The following SKAP2 variants were observed in gnomAD, a reference collection of about 807,000 sequenced individuals.
SKAP2 encodes src kinase-associated phosphoprotein 2.
SKAP2 carries 28 observed loss-of-function variants against 54.9 expected under a neutral mutation model. The observed-to-expected ratio is 0.51, with a 90% CI of 0.38 to 0.70. The LOEUF (loss-of-function observed/expected upper bound fraction) is 0.70. Ranked by LOEUF, SKAP2 falls within the 30% of genes least tolerant of loss-of-function variation. The pLI, the probability that SKAP2 is intolerant of heterozygous loss-of-function variation, is 0.00. For synonymous variants in SKAP2, 137 were observed against 134.3 expected (o/e 1.02, Z -0.14); for missense variants, 356 against 424.1 (o/e 0.84, Z 1.41).
chr7:26,795,698 T>C (rs1783760983), intron 4 of SKAP2, among the ~76,000 whole-genome samples: 1 of 152,200 alleles, frequency 6.6e-6, no homozygotes, highest in Admixed American at 6.5e-5. Flanking sequence ...TCTTATAAAA[T>C]GATAAGGGAA....
At chr7:26,701,254 A>C (rs961717674) in intron 9 of SKAP2, among the ~76,000 whole-genome samples, 7 of 152,248 alleles carry the variant, frequency 4.6e-5, no homozygotes, top group Non-Finnish European at 1.5e-5. Flanking sequence ...GATTCTTAAC[A>C]GAAAAGGAGC....
At chr7:26,801,993 GA>G (rs1033318005) in intron 4 of SKAP2, among the ~76,000 whole-genome samples, 1 of 150,340 alleles carries the variant, frequency 6.7e-6, no homozygotes, top group Non-Finnish European at 1.5e-5. Flanking sequence ...CCCCAAAACA[GA>G]AAAAAAAATC....
intron 4 of SKAP2, among the ~76,000 whole-genome samples, chr7:26,831,894 TC>T (rs1187884160): frequency 6.6e-6 from 1 of 152,090 alleles, no homozygotes; most frequent in East Asian, 1.9e-4. Flanking sequence ...AATCCTCATC[TC>T]CCATTCTCCA....
intron 1 of SKAP2, among the ~76,000 whole-genome samples, chr7:26,856,228 G>A (rs1296307612): frequency 2.0e-5 from 3 of 151,920 alleles, no homozygotes; most frequent in African/African-American, 7.3e-5. Flanking sequence ...GTCTATTAAC[G>A]ACTAATGTGT....
intron 4 of SKAP2, among the ~76,000 whole-genome samples, chr7:26,742,952 C>T (rs6971399): frequency 0.017 from 2,527 of 152,134 alleles, 70 homozygotes; most frequent in African/African-American, 0.058. Context: ...CAACGATTAA[C>T]GCTATTGACA....
intron 5 of SKAP2, among the ~76,000 whole-genome samples, chr7:26,739,259 AG>A (rs1334470244): frequency 1.3e-5 from 2 of 152,260 alleles, no homozygotes; most frequent in African/African-American, 4.8e-5. Context: ...AATTCAGCTA[AG>A]AAAGCTAAGA....
At chr7:26,757,188 T>G (rs1230898981) in intron 4 of SKAP2, among the ~76,000 whole-genome samples, 1 of 152,204 alleles carries the variant, frequency 6.6e-6, no homozygotes, top group African/African-American at 2.4e-5. Flanking sequence ...TAGATCCCAT[T>G]TGTCAATTTT....
chr7:26,843,530 C>T (rs1462672450), intron 4 of SKAP2, among the ~76,000 whole-genome samples: 3 of 151,384 alleles, frequency 2.0e-5, no homozygotes, highest in Non-Finnish European at 3.0e-5. Context: ...TTTTAAGTGA[C>T]AATATAAAAA....
At chr7:26,733,486 TATACAA>T (rs1297155447) in intron 6 of SKAP2, among the ~76,000 whole-genome samples, 1 of 152,074 alleles carries the variant, frequency 6.6e-6, no homozygotes, top group Non-Finnish European at 1.5e-5. Context: ...AACTTTTAAT[TATACAA>T]ATATAAGTAC....
chr7:26,837,206 G>A (rs919737622), intron 4 of SKAP2, among the ~76,000 whole-genome samples: 2 of 152,058 alleles, frequency 1.3e-5, no homozygotes, highest in African/African-American at 2.4e-5. Flanking sequence ...GCTAGGGGAG[G>A]GATAGCATTA....
chr7:26,818,555 G>C (rs1007640179), intron 4 of SKAP2, among the ~76,000 whole-genome samples: 1 of 152,118 alleles, frequency 6.6e-6, no homozygotes, highest in East Asian at 1.9e-4. Context: ...AAAAGCAATG[G>C]CAACAAAAGC....
At chr7:26,814,968 T>G (rs544668136) in intron 4 of SKAP2, among the ~76,000 whole-genome samples, 1 of 152,282 alleles carries the variant, frequency 6.6e-6, no homozygotes, top group South Asian at 2.1e-4. Flanking sequence ...AATAGAAATG[T>G]GCTTAGGCTA....
At chr7:26,679,191 C>G (rs1786426160) in intron 11 of SKAP2, among the ~76,000 whole-genome samples, 1 of 152,224 alleles carries the variant, frequency 6.6e-6, no homozygotes. Flanking sequence ...CCTGTCAGGC[C>G]ATTGCAAGGG....
At chr7:26,723,713 C>A (rs1353361180) in intron 9 of SKAP2, among the ~76,000 whole-genome samples, 1 of 144,962 alleles carries the variant, frequency 6.9e-6, no homozygotes. Flanking sequence ...TTTTTTTTTT[C>A]TTTAGGGGTG....
intron 10 of SKAP2, among the ~76,000 whole-genome samples, chr7:26,686,501 A>G (rs1334605681): frequency 2.6e-5 from 4 of 152,024 alleles, no homozygotes; most frequent in Non-Finnish European, 5.9e-5. Flanking sequence ...TCTTCATTAC[A>G]TTTTTTTCCC....
intron 6 of SKAP2, among the ~76,000 whole-genome samples, chr7:26,730,853 G>A (rs1327667112): frequency 6.6e-6 from 1 of 152,164 alleles, no homozygotes; most frequent in Admixed American, 6.5e-5. Context: ...TAGGTTTACA[G>A]CTGTGTTCTG....
At chr7:26,817,790 A>G (rs1328678776) in intron 4 of SKAP2, among the ~76,000 whole-genome samples, 3 of 152,176 alleles carry the variant, frequency 2.0e-5, no homozygotes, top group African/African-American at 7.2e-5. Flanking sequence ...CTATACACCA[A>G]TAATAGACAA....
At chr7:26,804,454 TGCCGG>T (rs1245703888) in intron 4 of SKAP2, among the ~76,000 whole-genome samples, 2 of 152,122 alleles carry the variant, frequency 1.3e-5, no homozygotes, top group South Asian at 2.1e-4. Flanking sequence ...AAAAAGAATG[TGCCGG>T]GCCGGGCCTG....
intron 9 of SKAP2, among the ~76,000 whole-genome samples, chr7:26,715,804 C>T (rs1338892918): frequency 6.6e-6 from 1 of 152,116 alleles, no homozygotes; most frequent in Non-Finnish European, 1.5e-5. Context: ...GAGTTAACAA[C>T]AATGCTACAA....
Sources: gnomAD v4.1 joint callset for allele counts (sites outside exome capture counted in the v4.1 genomes callset) on GRCh38, gnomAD v4.1.1 for gene constraint, MANE v1.5 for transcripts, NCBI Gene and HGNC (gene_info 2026-07-23, HGNC 2026-07-21) for gene names.